The following IFT52 variants were observed in gnomAD, a reference collection of about 807,000 sequenced individuals.
IFT52 encodes intraflagellar transport 52, also known as intraflagellar transport protein 52 homolog.
IFT52 carries 44 observed loss-of-function variants against 54.4 expected under a neutral mutation model. That is an observed-to-expected ratio of 0.81 (90% CI 0.63 to 1.04). IFT52 has a LOEUF of 1.04. Ranked by LOEUF, IFT52 falls within the 50% of genes least tolerant of loss-of-function variation. IFT52 has a pLI of 0.00. For synonymous variants in IFT52, 181 were observed against 185.3 expected, an observed-to-expected ratio of 0.98 and a Z score of 0.19; for missense variants, 452 against 523.6, an observed-to-expected ratio of 0.86 and a Z score of 1.33.
At chr20:43,646,205 G>C (rs80059883) in intron 13 of IFT52, among the ~76,000 whole-genome samples, 161 of 71,130 alleles carry the variant, frequency 2.3e-3, no homozygotes, top group Middle Eastern at 0.012. Flanking sequence ...AGCGAGACTC[G>C]TCTCAAAAAA....
rs36068236 is a variant in IFT52 at position 43,597,890 on chromosome 20, C to CAAA, written c.207+1387_207+1389dup. Among the ~76,000 whole-genome samples the CAAA allele has an allele frequency of 1.7e-3, 175 of 101,842 alleles. 6 individuals carry two copies. Among genetic ancestry groups the CAAA allele is most frequent in the Middle Eastern group, 0.011 (2 of 188 alleles). The allele number at this position is 101,842 out of a possible 152,430, so 66.8% of individuals were successfully genotyped here. On this transcript the variant is annotated intron_variant, in intron 3 of 13. Transcript: ENST00000373030. ...CGTTGGCAACAGAGTGAGACTCTTT[C>CAAA]AAAAAAAAAAAAAAAAAAAAACTGC...
chr20:43,615,854 A>G (rs763503386), intron 7 of IFT52, among the ~76,000 whole-genome samples: 4 of 152,176 alleles, frequency 2.6e-5, no homozygotes, highest in Non-Finnish European at 2.9e-5. Flanking sequence ...AGGCACGAGA[A>G]TCGCTTGAAC....
intron 7 of IFT52, among the ~76,000 whole-genome samples, chr20:43,615,938 GA>G (rs11476681): frequency 0.77 from 116,350 of 151,610 alleles, 44,846 homozygotes; most frequent in East Asian, 0.8. Flanking sequence ...CCGTCTCAAA[GA>G]AAAAAAAAAT....
At chr20:43,606,589 GTAT>G (rs952750382) in intron 6 of IFT52, among the ~76,000 whole-genome samples, 3 of 151,574 alleles carry the variant, frequency 2.0e-5, no homozygotes, top group Non-Finnish European at 2.9e-5. Context: ...ACTTGTGGTA[GTAT>G]TTTTTTTTTT....
chr20:43,621,155 A>G lies in IFT52; in HGVS notation c.768+230A>G, dbSNP rs530334997. 37 of 342,682 alleles carry G rather than the reference A, an allele frequency of 1.1e-4. No individual in the cohort carries two copies. The South Asian group carries it at 4.8e-3, about 45-fold the overall frequency. 21.2% of individuals were successfully genotyped at this position (342,682 alleles called of 1,614,324 possible). On this transcript the variant is annotated intron_variant, in intron 9 of 13. Coordinates refer to ENST00000373030, the MANE Select transcript of IFT52 (RefSeq NM_016004.5). ...GAGGGGGAGCATACATACATACAGT[A>G]TGTATATAAATTAGAATTTAAATTA...
intron 7 of IFT52, among the ~76,000 whole-genome samples, chr20:43,616,080 C>G (rs1287946598): frequency 6.6e-6 from 1 of 152,162 alleles, no homozygotes; most frequent in Non-Finnish European, 1.5e-5. Flanking sequence ...CTTGACATCT[C>G]TGGCTTAGTA....
intron 10 of IFT52, among the ~76,000 whole-genome samples, chr20:43,631,789 G>C (rs1196936263): frequency 6.6e-6 from 1 of 152,128 alleles, no homozygotes; most frequent in Non-Finnish European, 1.5e-5. Context: ...CCTTCTGCCT[G>C]TTCTTGCTCT....
intron 6 of IFT52, among the ~76,000 whole-genome samples, chr20:43,607,244 G>C (rs1306645776): frequency 9.5e-5 from 14 of 148,070 alleles, no homozygotes; most frequent in Admixed American, 2.7e-4. Flanking sequence ...CGGACGGGGC[G>C]GCTGGCCGGG....
rs769040135 is a variant in IFT52 at position 43,624,841 on chromosome 20, T to C, written c.923+796T>C. Among the ~76,000 whole-genome samples the C allele has an allele frequency of 9.2e-5, 14 of 152,126 alleles. No individual in the cohort carries two copies. In the South Asian group the frequency reaches 1.2e-3, roughly 14 times the overall value. ...AAATTGTTTAGCTTGTCTTCCTTTC[T>C]CACCCCCGTGTATCCGGAGAGCAAG... is the stretch of plus-strand genomic sequence containing the variant. On this transcript the variant is annotated intron_variant, in intron 10 of 13. Transcript: ENST00000373030.
chr20:43,611,415 A>G (rs1009900677), intron 6 of IFT52, among the ~76,000 whole-genome samples: 1 of 120,546 alleles, frequency 8.3e-6, no homozygotes, highest in Non-Finnish European at 1.8e-5. Flanking sequence ...GTTTAAGTTT[A>G]TACTTAGTCT....
At chr20:43,593,996 T>C (rs1466859208) in intron 1 of IFT52, among the ~76,000 whole-genome samples, 1 of 152,134 alleles carries the variant, frequency 6.6e-6, no homozygotes, top group Non-Finnish European at 1.5e-5. Flanking sequence ...AAAATAAAAC[T>C]GTAAGTTAAT....
chr20:43,620,421 G>A lies in IFT52; in HGVS notation c.700-436G>A, dbSNP rs201332042. 1.1e-4 allele frequency among the ~76,000 whole-genome samples: 16 copies of A among 152,276 alleles called. No homozygotes were observed. The East Asian group carries it at 3.1e-3, about 29-fold the overall frequency. ...GCCTGTAATCCTACTACTTTGGGAGGCCGAGACAGGTGGATCACCTGCGAT... is the reference window on the plus strand; with the variant it reads ...GCCTGTAATCCTACTACTTTGGGAGACCGAGACAGGTGGATCACCTGCGAT... On this transcript the variant is annotated intron_variant, in intron 8 of 13. Coordinates refer to ENST00000373030, the MANE Select transcript of IFT52 (RefSeq NM_016004.5).
At chr20:43,606,868 A>G (rs1279530895) in intron 6 of IFT52, among the ~76,000 whole-genome samples, 1 of 152,192 alleles carries the variant, frequency 6.6e-6, no homozygotes, top group African/African-American at 2.4e-5. Context: ...CCCTGAGTGG[A>G]CACAGCACAT....
At chr20:43,595,461 A>G (rs1211469926) in intron 2 of IFT52, among the ~76,000 whole-genome samples, 2 of 152,146 alleles carry the variant, frequency 1.3e-5, no homozygotes, top group Non-Finnish European at 2.9e-5. Context: ...AGGCAGGAGA[A>G]TCGCTTAAAT....
At chr20:43,606,244 A>G (rs571985880) in intron 6 of IFT52, among the ~76,000 whole-genome samples, 7 of 150,878 alleles carry the variant, frequency 4.6e-5, no homozygotes, top group African/African-American at 1.5e-4. Flanking sequence ...TATATTTGTC[A>G]TTATAGATAA....
rs1425578570 is a variant in IFT52, at chr20:43,642,625, G to T, written c.1266+1G>T. 2 of 1,613,722 alleles carry T rather than the reference G, an allele frequency of 1.2e-6. No individual in the cohort carries two copies. The highest frequency in any genetic ancestry group is 1.3e-5 in the African/African-American group (1 of 74,916). On this transcript the variant is annotated splice_donor_variant, in intron 13 of 13. Coordinates refer to ENST00000373030, the MANE Select transcript of IFT52 (RefSeq NM_016004.5). LOFTEE classifies it high-confidence loss of function. ...GGTGGAGTTCAAGAAATTGAACCAG[G>T]TACAGAGCCTACAAGGCACAGTGTA...
intron 2 of IFT52, among the ~76,000 whole-genome samples, 181 bp downstream of exon 2, chr20:43,594,998 TGA>T (rs1183246543): frequency 3.3e-5 from 5 of 151,826 alleles, no homozygotes; most frequent in African/African-American, 1.2e-4. Flanking sequence ...TTTGGGAGGC[TGA>T]GGCGGGCGGA....
intron 11 of IFT52, among the ~76,000 whole-genome samples, chr20:43,636,394 G>A (rs1985542853): frequency 6.6e-6 from 1 of 152,180 alleles, no homozygotes; most frequent in Admixed American, 6.5e-5. Flanking sequence ...ATGGTCATGT[G>A]TGTAAATAGG....
intron 6 of IFT52, among the ~76,000 whole-genome samples, chr20:43,611,668 CCTCA>C (rs1983461060): frequency 1.3e-5 from 2 of 151,612 alleles, no homozygotes; most frequent in Admixed American, 1.3e-4. Context: ...GAACTCCTAA[CCTCA>C]GGTTAGTCTG....
Sources: allele counts gnomAD v4.1 joint callset (sites outside exome capture counted in the v4.1 genomes callset), GRCh38; gene constraint gnomAD v4.1.1; transcripts MANE v1.5; gene names NCBI Gene and HGNC (gene_info 2026-07-23, HGNC 2026-07-21).